Variants in SPDYE12 observed in about 807,000 individuals in gnomAD.
The protein encoded by SPDYE12 is speedy/RINGO cell cycle regulator family member E12, also known as speedy protein E12.
the SPDYE12 span, chr7:74,909,546 T>C: frequency 6.3e-7 from 1 of 1,580,918 alleles, no homozygotes; most frequent in Non-Finnish European, 8.7e-7. Context: ...ATGAATGCGT[T>C]GGTATTGCCA....
chr7:74,909,347 C>G, the SPDYE12 span, among the ~76,000 whole-genome samples: 1 of 151,540 alleles, frequency 6.6e-6, no homozygotes, highest in Non-Finnish European at 1.5e-5. Flanking sequence ...AGCCACCATG[C>G]ACAGCCTGAG....
the SPDYE12 span, chr7:74,909,663 T>C: frequency 6.4e-7 from 1 of 1,553,900 alleles, no homozygotes; most frequent in South Asian, 1.1e-5. Context: ...GAGAGGAAGA[T>C]TGTGGAGATA....
chr7:74,915,040 T>A, the SPDYE12 span, among the ~76,000 whole-genome samples: 1 of 151,864 alleles, frequency 6.6e-6, no homozygotes, highest in African/African-American at 2.4e-5. Context: ...ATAAACTGAA[T>A]GCGGAAGGAA....
the SPDYE12 span, chr7:74,909,550 A>T: frequency 2.5e-6 from 4 of 1,580,878 alleles, no homozygotes; most frequent in Non-Finnish European, 3.5e-6. Context: ...ATGCGTTGGT[A>T]TTGCCAGGAG....
At chr7:74,908,819 G>A in the SPDYE12 span, among the ~76,000 whole-genome samples, 1 of 148,006 alleles carries the variant, frequency 6.8e-6, no homozygotes, top group South Asian at 2.1e-4. Context: ...GACTACAGGC[G>A]CCCGCCACCA....
chr7:74,914,767 C>CA, the SPDYE12 span, among the ~76,000 whole-genome samples: 1 of 147,744 alleles, frequency 6.8e-6, no homozygotes, highest in African/African-American at 2.5e-5. Context: ...TCTAAAAATA[C>CA]AAAAAATTAG....
At chr7:74,911,247 CT>C in the SPDYE12 span, among the ~76,000 whole-genome samples, 1 of 76,446 alleles carries the variant, frequency 1.3e-5, no homozygotes, top group African/African-American at 5.3e-5. Flanking sequence ...TGACCATGGC[CT>C]TGGGATCCCT....
the SPDYE12 span, among the ~76,000 whole-genome samples, chr7:74,910,218 A>T: frequency 7.0e-6 from 1 of 143,132 alleles, no homozygotes; most frequent in Non-Finnish European, 1.5e-5. Flanking sequence ...CGAAGGTTTC[A>T]AAAATTAGTT....
chr7:74,909,743 T>C, the SPDYE12 span: 41 of 1,114,746 alleles, frequency 3.7e-5, 1 homozygote, highest in African/African-American at 5.5e-4. Context: ...ACTGTGCTCA[T>C]GTGGAAATTG....
At chr7:74,909,297 G>A in the SPDYE12 span, among the ~76,000 whole-genome samples, 67 of 151,204 alleles carry the variant, frequency 4.4e-4, no homozygotes, top group South Asian at 1.3e-3. Flanking sequence ...CAGGTGATCC[G>A]CTTGCCTCAG....
chr7:74,910,982 G>C, the SPDYE12 span: 6 of 941,554 alleles, frequency 6.4e-6, no homozygotes, highest in South Asian at 4.1e-5. Flanking sequence ...TGTGCCTCCC[G>C]GGGGAAAGTC....
At chr7:74,904,577 C>T in the SPDYE12 span, among the ~76,000 whole-genome samples, 3 of 151,272 alleles carry the variant, frequency 2.0e-5, no homozygotes, top group African/African-American at 7.3e-5. Flanking sequence ...AGATAAAAAC[C>T]ATGCTCCCCT....
the SPDYE12 span, among the ~76,000 whole-genome samples, chr7:74,914,573 A>AT: frequency 1.3e-5 from 2 of 148,708 alleles, no homozygotes; most frequent in Non-Finnish European, 3.0e-5. Context: ...TGTCAAAAAA[A>AT]TTTTTTTAAT....
the SPDYE12 span, among the ~76,000 whole-genome samples, chr7:74,906,192 C>T: frequency 6.4e-5 from 9 of 140,194 alleles, 1 homozygote; most frequent in African/African-American, 2.8e-4. Context: ...CCATAATCCT[C>T]CCTCCTCATG....
At chr7:74,908,542 G>A in the SPDYE12 span, among the ~76,000 whole-genome samples, 2 of 132,620 alleles carry the variant, frequency 1.5e-5, no homozygotes, top group African/African-American at 5.7e-5. Context: ...GGTTGATGTG[G>A]GAAGGAGAGA....
the SPDYE12 span, among the ~76,000 whole-genome samples, chr7:74,908,661 C>CTTTTTTTTTTTTT: frequency 5.1e-5 from 3 of 58,598 alleles, no homozygotes; most frequent in Non-Finnish European, 8.6e-5. Context: ...GTTTTTTGTT[C>CTTTTTTTTTTTTT]TTTTTTTTTT....
the SPDYE12 span, among the ~76,000 whole-genome samples, chr7:74,910,407 C>T: frequency 6.7e-6 from 1 of 150,096 alleles, no homozygotes; most frequent in East Asian, 2.0e-4. Context: ...ACCATGGGAG[C>T]TGGTCAGACA....
chr7:74,909,033 GTTTTTTTTTTTTTTTTTGGCTTTT>G, the SPDYE12 span, among the ~76,000 whole-genome samples: 2 of 32,002 alleles, frequency 6.2e-5, no homozygotes, highest in Non-Finnish European at 1.8e-4. Flanking sequence ...TTTTTGCCTG[GTTTTTTTTTTTTTTTTTGGCTTTT>G]TTTTTTTTTT....
chr7:74,904,534 A>G, the SPDYE12 span, among the ~76,000 whole-genome samples: 2 of 151,576 alleles, frequency 1.3e-5, no homozygotes, highest in Non-Finnish European at 2.9e-5. Flanking sequence ...CCACATAGCT[A>G]TAAATGTAAT....
Sources: gnomAD v4.1 joint callset for allele counts (sites outside exome capture counted in the v4.1 genomes callset) on GRCh38, gnomAD v4.1.1 for gene constraint, MANE v1.5 for transcripts, NCBI Gene and HGNC (gene_info 2026-07-23, HGNC 2026-07-21) for gene names.